The following FAM228B variants were observed in gnomAD, a reference collection of about 807,000 sequenced individuals.
The protein encoded by FAM228B is family with sequence similarity 228 member B, also known as protein FAM228B.
In FAM228B, 38 loss-of-function variants were observed where a neutral mutation model predicts 42.6. The observed-to-expected ratio is 0.89, with a 90% CI of 0.69 to 1.17. FAM228B has a LOEUF of 1.17. Ranked by LOEUF, FAM228B falls within the 50% of genes most tolerant of loss-of-function variation. The pLI is 0.00. For synonymous variants in FAM228B, 109 were observed against 122.3 expected (o/e 0.89, Z 0.72); for missense variants, 344 against 367.3 (o/e 0.94, Z 0.52).
intron 1 of FAM228B, among the ~76,000 whole-genome samples, chr2:24,078,287 T>C (rs572775923): frequency 6.6e-6 from 1 of 152,198 alleles, no homozygotes; most frequent in East Asian, 1.9e-4. Context: ...TGTCTAAAAA[T>C]TACAAAAGCA....
chr2:24,148,805 T>C (rs1666955092), intron 7 of FAM228B, among the ~76,000 whole-genome samples: 1 of 152,216 alleles, frequency 6.6e-6, no homozygotes, highest in Non-Finnish European at 1.5e-5. Flanking sequence ...TGCTATCATA[T>C]ACGAGGTCTT....
At chr2:24,127,787 C>T (rs1005904035) in intron 2 of FAM228B, among the ~76,000 whole-genome samples, 5 of 152,010 alleles carry the variant, frequency 3.3e-5, no homozygotes, top group South Asian at 2.1e-4. Context: ...CTAAGCCTCC[C>T]GAGTAGCTGG....
intron 7 of FAM228B, among the ~76,000 whole-genome samples, chr2:24,150,610 C>T (rs1029797408): frequency 6.6e-6 from 1 of 151,614 alleles, no homozygotes; most frequent in Non-Finnish European, 1.5e-5. Context: ...TTTTTAATAG[C>T]GATGGGGTTT....
At chr2:24,119,976 C>T (rs962193951), upstream of FAM228B, among the ~76,000 whole-genome samples, 1 of 152,044 alleles carries the variant, frequency 6.6e-6, no homozygotes, top group African/African-American at 2.4e-5. Context: ...CCAATTAGAA[C>T]AACTGATGTA....
intron 2 of FAM228B, among the ~76,000 whole-genome samples, chr2:24,083,919 C>T (rs539760650): frequency 1.3e-5 from 2 of 152,264 alleles, no homozygotes; most frequent in South Asian, 4.1e-4. Context: ...AGTAAGTGTG[C>T]CCACACCCCA....
chr2:24,121,792 C>T (rs1386510782), upstream of FAM228B, among the ~76,000 whole-genome samples: 3 of 152,182 alleles, frequency 2.0e-5, no homozygotes, highest in Non-Finnish European at 4.4e-5. Flanking sequence ...CACTTGCTCT[C>T]TCTTGCTTCC....
At chr2:24,093,233 A>G (rs1279645775) in intron 2 of FAM228B, among the ~76,000 whole-genome samples, 2 of 152,144 alleles carry the variant, frequency 1.3e-5, no homozygotes, top group Non-Finnish European at 2.9e-5. Flanking sequence ...TACTACACCT[A>G]TCAGCCTGTC....
chr2:24,121,160 C>G, upstream of FAM228B: 1 of 1,613,926 alleles, frequency 6.2e-7, no homozygotes, highest in Non-Finnish European at 8.5e-7. Context: ...CTTGAGCACT[C>G]ACATTTTTGG....
chr2:24,087,834 C>T (rs1230329513), intron 2 of FAM228B, among the ~76,000 whole-genome samples: 3 of 147,338 alleles, frequency 2.0e-5, no homozygotes, highest in Non-Finnish European at 3.0e-5. Context: ...CAGGCGATCT[C>T]GGCTCCCTGC....
chr2:24,123,929 C>T (rs780745934), intron 1 of FAM228B, among the ~76,000 whole-genome samples: 19 of 152,182 alleles, frequency 1.2e-4, no homozygotes, highest in Non-Finnish European at 2.4e-4. Context: ...GACCGAAAGC[C>T]CCTCCCTGCC....
intron 3 of FAM228B, chr2:24,115,597 T>TG: frequency 6.2e-7 from 1 of 1,612,908 alleles, no homozygotes; most frequent in Non-Finnish European, 8.5e-7. Context: ...CTTCCTTTTT[T>TG]TCTTAGGTAG....
At chr2:24,158,617 G>A (rs975726935) in intron 7 of FAM228B, among the ~76,000 whole-genome samples, 4 of 152,060 alleles carry the variant, frequency 2.6e-5, no homozygotes, top group African/African-American at 9.7e-5. Flanking sequence ...ACTGGAGGTT[G>A]GAGATCACTG....
intron 2 of FAM228B, among the ~76,000 whole-genome samples, chr2:24,090,625 C>CA (rs1402084929): frequency 1.4e-5 from 2 of 144,978 alleles, no homozygotes; most frequent in African/African-American, 2.5e-5. Flanking sequence ...TATGATTATA[C>CA]AAAATCAATA....
At chr2:24,117,589 C>CCCACCA (rs1665963588) in intron 3 of FAM228B, among the ~76,000 whole-genome samples, 1 of 151,950 alleles carries the variant, frequency 6.6e-6, no homozygotes, top group African/African-American at 2.4e-5. Flanking sequence ...ATTACAGGTA[C>CCCACCA]CCACCACCAC....
At chr2:24,119,578 C>T (rs547849303), upstream of FAM228B, 1 of 1,612,508 alleles carries the variant, frequency 6.2e-7, no homozygotes, top group South Asian at 1.1e-5. Context: ...CCAACTTACC[C>T]AGGCTCTCTG....
chr2:24,125,548 C>T (rs548775312), intron 2 of FAM228B, among the ~76,000 whole-genome samples: 2 of 151,176 alleles, frequency 1.3e-5, no homozygotes, highest in South Asian at 2.1e-4. Context: ...CTCTTTCTTT[C>T]ATTCTTTCTC....
At chr2:24,140,544 A>G (rs957192396) in intron 5 of FAM228B, among the ~76,000 whole-genome samples, 7 of 152,238 alleles carry the variant, frequency 4.6e-5, no homozygotes, top group Non-Finnish European at 1.0e-4. Context: ...ATTAACATAC[A>G]TTGCATCACA....
Position 24,084,244 on chromosome 2 carries a change from C to T in FAM228B, c.-210+3289C>T. On this transcript the variant is annotated intron_variant, in intron 2 of 10. Coordinates refer to the FAM228B transcript ENST00000613899. The surrounding 1 kb of genome is among the most constrained non-coding windows in gnomAD (Gnocchi z 8.4). The stretch of plus-strand genomic sequence containing the variant: ...GGCCGCCACCTTCAGGAGGACTTCA[C>T]CCTCCCCCGGGCTCGGCTTGGCCAC... The T allele has an allele frequency of 6.2e-7, 1 of 1,614,090 alleles. No homozygotes were observed. The highest frequency in any genetic ancestry group is 1.1e-5 in the South Asian group (1 of 91,074).
intron 3 of FAM228B, among the ~76,000 whole-genome samples, chr2:24,116,422 G>A (rs760864448): frequency 7.9e-5 from 12 of 152,154 alleles, no homozygotes; most frequent in Non-Finnish European, 1.5e-4. Context: ...AAACTCCTGG[G>A]CTCAGTTGAT....
Sources: allele counts gnomAD v4.1 joint callset (sites outside exome capture counted in the v4.1 genomes callset), GRCh38; gene constraint gnomAD v4.1.1; non-coding constraint Gnocchi (gnomAD v3.1); transcripts MANE v1.5; gene names NCBI Gene and HGNC (gene_info 2026-07-23, HGNC 2026-07-21).